The following LARP4B variants were observed in gnomAD, a reference collection of about 807,000 sequenced individuals.
LARP4B encodes the protein La ribonucleoprotein 4B, also known as la-related protein 4B.
In LARP4B, 12 loss-of-function variants were observed where a neutral mutation model predicts 89.8. The ratio of observed to expected loss-of-function variants is 0.13; its 90% CI spans 0.09 to 0.22. The LOEUF (loss-of-function observed/expected upper bound fraction) is 0.22. LARP4B is among the 10% of genes least tolerant of loss of function. The pLI is 1.00. For synonymous variants in LARP4B, 367 were observed against 363.3 expected (o/e 1.01, Z -0.12); for missense variants, 757 against 947.7 (o/e 0.80, Z 2.64).
At chr10:910,412 C>A (rs991947746) in intron 1 of LARP4B, among the ~76,000 whole-genome samples, 4 of 152,186 alleles carry the variant, frequency 2.6e-5, no homozygotes, top group Non-Finnish European at 4.4e-5. Context: ...TGTCTCCCCT[C>A]AATCACCTGG....
At chr10:871,692 C>A (rs1018845816) in intron 3 of LARP4B, among the ~76,000 whole-genome samples, 1 of 152,212 alleles carries the variant, frequency 6.6e-6, no homozygotes, top group African/African-American at 2.4e-5. Flanking sequence ...TGGCTTGGGG[C>A]TGCTTCTCTT....
At chr10:863,518 C>A (rs1001954255) in intron 5 of LARP4B, among the ~76,000 whole-genome samples, 1 of 152,260 alleles carries the variant, frequency 6.6e-6, no homozygotes, top group Non-Finnish European at 1.5e-5. Flanking sequence ...CGTGAGCCCC[C>A]GCGCCCGGCC....
In LARP4B at chr10:908,941, T is replaced by C. The variant is rs536303417; in HGVS notation, c.-40+22487A>G. 3.3e-5 allele frequency among the ~76,000 whole-genome samples: 5 copies of C among 152,204 alleles called. No homozygotes were observed. The South Asian group carries it at 1.0e-3, about 32-fold the overall frequency. The stretch of plus-strand genomic sequence containing the variant: ...GGGACACCTGAAACAGATAGCACAA[T>C]GCCTGGCACACAGCATGTGTTACAC... On this transcript the variant is annotated intron_variant, in intron 1 of 17. Transcript: ENST00000316157.
chr10:845,773 T>C (rs1306612502), intron 5 of LARP4B, among the ~76,000 whole-genome samples: 2 of 152,204 alleles, frequency 1.3e-5, no homozygotes, highest in African/African-American at 4.8e-5. Flanking sequence ...AAAGAGGTAT[T>C]TTAATAATGT....
intron 6 of LARP4B, 129 bp from the exon 7 acceptor site, chr10:843,197 A>C (rs1196254395): frequency 2.6e-5 from 22 of 833,442 alleles, no homozygotes; most frequent in Non-Finnish European, 4.0e-5. Context: ...TCAGCCCAGG[A>C]CCCATCTGTT....
At chr10:936,948 C>T in the LARP4B span, among the ~76,000 whole-genome samples, 172 of 152,158 alleles carry the variant, frequency 1.1e-3, 1 homozygote, top group Non-Finnish European at 2.1e-3. Context: ...AAGAAATATA[C>T]GTGAGTGGGT....
upstream of LARP4B, among the ~76,000 whole-genome samples, chr10:932,036 G>A (rs545151590): frequency 7.3e-5 from 11 of 149,722 alleles, no homozygotes; most frequent in African/African-American, 1.7e-4. Flanking sequence ...ACGCTGGGGG[G>A]CCGTGTGGGC....
the LARP4B span, chr10:988,242 C>G: frequency 2.1e-6 from 1 of 487,044 alleles, no homozygotes; most frequent in Non-Finnish European, 3.7e-6. Context: ...CCCCCTAAAA[C>G]CCGGGCGTCC....
intron 3 of LARP4B, among the ~76,000 whole-genome samples, chr10:879,963 G>C (rs1221929541): frequency 6.6e-6 from 1 of 151,360 alleles, no homozygotes; most frequent in East Asian, 2.0e-4. Flanking sequence ...TAGTAGAGAC[G>C]GGGTTTCATC....
chr10:964,204 T>C, the LARP4B span, among the ~76,000 whole-genome samples: 6 of 152,112 alleles, frequency 3.9e-5, no homozygotes, highest in East Asian at 1.2e-3. Context: ...GTAGCTGTGA[T>C]TACAGGCGCC....
At chr10:932,036 G>T (rs545151590), upstream of LARP4B, among the ~76,000 whole-genome samples, 1 of 149,618 alleles carries the variant, frequency 6.7e-6, no homozygotes, top group Non-Finnish European at 1.5e-5. Flanking sequence ...ACGCTGGGGG[G>T]CCGTGTGGGC....
chr10:907,357 A>C (rs1331278357), intron 1 of LARP4B, among the ~76,000 whole-genome samples: 2 of 152,234 alleles, frequency 1.3e-5, no homozygotes, highest in Non-Finnish European at 2.9e-5. Context: ...GCACATTCCA[A>C]GTGGTGTAAT....
intron 8 of LARP4B, among the ~76,000 whole-genome samples, chr10:834,693 G>A (rs1588881240): frequency 6.6e-6 from 1 of 152,118 alleles, no homozygotes; most frequent in Non-Finnish European, 1.5e-5. Context: ...CATAAGGTCA[G>A]CAGTTTTGAA....
intron 1 of LARP4B, among the ~76,000 whole-genome samples, chr10:891,845 AAC>A (rs1564433797): frequency 1.3e-5 from 2 of 152,238 alleles, no homozygotes; most frequent in Non-Finnish European, 2.9e-5. Context: ...ACCTCATTTA[AAC>A]AGTTAATAAC....
the LARP4B span, among the ~76,000 whole-genome samples, chr10:978,987 T>G: frequency 1.3e-5 from 2 of 152,138 alleles, no homozygotes; most frequent in Non-Finnish European, 2.9e-5. Context: ...TCAATGTTAC[T>G]GTTGAGCAGT....
At chr10:842,476 G>C (rs894507097) in intron 7 of LARP4B, among the ~76,000 whole-genome samples, 1 of 151,962 alleles carries the variant, frequency 6.6e-6, no homozygotes, top group South Asian at 2.1e-4. Context: ...GATTACACGC[G>C]TAAGCCACCA....
intron 1 of LARP4B, among the ~76,000 whole-genome samples, chr10:890,595 A>G (rs1307762712): frequency 1.3e-5 from 2 of 152,198 alleles, no homozygotes; most frequent in Non-Finnish European, 2.9e-5. Flanking sequence ...TGTAGAAGAC[A>G]CAGATTTCGG....
intron 3 of LARP4B, chr10:873,029 G>A: frequency 2.0e-6 from 2 of 985,326 alleles, no homozygotes; most frequent in African/African-American, 3.5e-5. Flanking sequence ...AAATAATGAA[G>A]ACAAAGTTTT....
chr10:872,007 G>C (rs1213783282), intron 3 of LARP4B, among the ~76,000 whole-genome samples: 2 of 152,174 alleles, frequency 1.3e-5, no homozygotes, highest in African/African-American at 2.4e-5. Context: ...CCACCAGGTG[G>C]ATGATCCATC....
Sources: allele counts gnomAD v4.1 joint callset (sites outside exome capture counted in the v4.1 genomes callset), GRCh38; gene constraint gnomAD v4.1.1; transcripts MANE v1.5; gene names NCBI Gene and HGNC (gene_info 2026-07-23, HGNC 2026-07-21).